The following LEO1 variants were observed in gnomAD, a reference collection of about 807,000 sequenced individuals.
The protein encoded by LEO1 is LEO1 component of Paf1/RNA polymerase II complex, also known as RNA polymerase-associated protein LEO1.
Under a neutral mutation model 80.4 loss-of-function variants are expected in LEO1, and 34 were observed. That is an observed-to-expected ratio of 0.42 (90% CI 0.32 to 0.56). The LOEUF (loss-of-function observed/expected upper bound fraction) is 0.56, where lower values mean the gene tolerates loss of function less well. Among genes scored for constraint, LEO1 ranks in the 20% least tolerant of loss-of-function variants. The pLI, the probability that LEO1 is intolerant of heterozygous loss-of-function variation, is 0.10. For missense variants in LEO1, 631 were observed against 814.2 expected (o/e 0.77, Z 2.74); for synonymous variants, 262 against 274.9 (o/e 0.95, Z 0.46).
At position 51,956,427 on chromosome 15, in the gene LEO1, A is replaced by C. The variant is rs867101247; in HGVS notation, c.1246-1852T>G. The stretch of plus-strand genomic sequence containing the variant: ...GACAGAGCAAGACTCCATCTCAAAA[A>C]AAAAAAAAAAAAAACCACAAATAGG... On this transcript the variant is annotated intron_variant, in intron 6 of 11. Coordinates refer to ENST00000299601, the MANE Select transcript of LEO1 (RefSeq NM_138792.4). Among the ~76,000 whole-genome samples the C allele has an allele frequency of 2.1e-3, 323 of 151,742 alleles. 1 individual carries two copies. The highest frequency in any genetic ancestry group is 7.4e-3 in the African/African-American group (307 of 41,440).
At chr15:51,953,528 G>T (rs538440467) in intron 7 of LEO1, among the ~76,000 whole-genome samples, 64 of 152,016 alleles carry the variant, frequency 4.2e-4, no homozygotes, top group Non-Finnish European at 7.1e-4. Context: ...GCTGAGACAG[G>T]ATAACTGCTT....
At chr15:51,952,175 A>G (rs2056954725) in intron 8 of LEO1, 196 bp from the exon 9 acceptor site, 2 of 462,510 alleles carry the variant, frequency 4.3e-6, no homozygotes, top group Non-Finnish European at 7.6e-6. Flanking sequence ...AGACATTCTT[A>G]TTCCACAAAT....
intron 1 of LEO1, among the ~76,000 whole-genome samples, chr15:51,971,056 T>C (rs890116979): frequency 5.3e-5 from 8 of 152,048 alleles, no homozygotes. Context: ...AATCCTTCAT[T>C]CCTCCTCTCT....
intron 1 of LEO1, among the ~76,000 whole-genome samples, chr15:51,971,081 T>C (rs1442763993): frequency 1.3e-5 from 2 of 152,272 alleles, no homozygotes; most frequent in East Asian, 3.9e-4. Flanking sequence ...ACAGACCCCA[T>C]GCACTCCCCA....
At chr15:51,949,102 G>A (rs767644189) in intron 10 of LEO1, among the ~76,000 whole-genome samples, 2 of 152,022 alleles carry the variant, frequency 1.3e-5, no homozygotes, top group Non-Finnish European at 1.5e-5. Flanking sequence ...CAGTATGTGT[G>A]GAAAAAACGT....
intron 1 of LEO1, among the ~76,000 whole-genome samples, chr15:51,970,088 A>C (rs1197275413): frequency 2.0e-5 from 3 of 152,164 alleles, no homozygotes; most frequent in African/African-American, 7.2e-5. Flanking sequence ...AAGAATTACC[A>C]TATGACTCTG....
intron 11 of LEO1, among the ~76,000 whole-genome samples, chr15:51,944,194 T>A (rs1342145659): frequency 6.6e-6 from 1 of 152,172 alleles, no homozygotes; most frequent in African/African-American, 2.4e-5. Context: ...GAAAACTTCC[T>A]GAAAGCAGCT....
intron 7 of LEO1, 76 bp from the exon 8 acceptor site, chr15:51,953,339 C>T: frequency 1.3e-6 from 2 of 1,513,654 alleles, no homozygotes; most frequent in Non-Finnish European, 1.8e-6. Flanking sequence ...AAAGGTGATT[C>T]AGGCTGGGCA....
In LEO1 at chr15:51,966,022, C is replaced by T. The variant is rs376150994; in HGVS notation, c.541G>A (p.Asp181Asn). The T allele has an allele frequency of 9.1e-5, 147 of 1,614,024 alleles. No homozygotes were observed. Among genetic ancestry groups the T allele is most frequent in the South Asian group, 3.1e-4 (28 of 91,082 alleles). The change falls in exon 2 of 12, where the codon GAT becomes AAT. Residue 181 changes from aspartate (D) to asparagine (N), a missense_variant. Coordinates refer to ENST00000299601, the MANE Select transcript of LEO1 (RefSeq NM_138792.4). ...TCTGTGTTCTGCATTTTCTCATCATCGTCAGAATTCTGCAGCTTATCTTCA... is the reference window on the plus strand; with the variant it reads ...TCTGTGTTCTGCATTTTCTCATCATTGTCAGAATTCTGCAGCTTATCTTCA... Reference protein sequence around the residue: ...SDEDKLQNSDDDEKMQNTDDE... With the variant: ...SDEDKLQNSDNDEKMQNTDDE...
At chr15:51,958,895 T>A (rs1405678414) in intron 5 of LEO1, 69 bp from the exon 6 acceptor site, 1 of 752,818 alleles carries the variant, frequency 1.3e-6, no homozygotes, top group East Asian at 2.9e-5. Flanking sequence ...TGTAATAACA[T>A]CTCTATTAAT....
intron 5 of LEO1, 70 bp downstream of exon 5, chr15:51,959,829 A>C: frequency 5.1e-6 from 7 of 1,371,476 alleles, no homozygotes; most frequent in Non-Finnish European, 6.8e-6. Context: ...ACTCAATGCG[A>C]AATAAGAAAA....
chr15:51,960,025 TGAG>T lies in LEO1; in HGVS notation c.1031_1033del (p.Pro344del), dbSNP rs2057017896. 6.2e-7 allele frequency: 1 copy of T among 1,612,450 alleles called. No individual in the cohort carries two copies. Among genetic ancestry groups the T allele is most frequent in the South Asian group, 1.1e-5 (1 of 90,576 alleles). On this transcript the variant is annotated inframe_deletion, in exon 5 of 12. Transcript: ENST00000299601. ...AATTGGCTCCTCTTCCTGTTGATCC[TGAG>T]GCAATCCATTTTCATCCTAGTGAAA...
intron 11 of LEO1, among the ~76,000 whole-genome samples, chr15:51,942,947 AAAC>A (rs980639161): frequency 3.3e-5 from 5 of 150,344 alleles, no homozygotes; most frequent in East Asian, 4.0e-4. Flanking sequence ...ACCAAAAAAA[AAAC>A]AACAAACAAA....
intron 11 of LEO1, among the ~76,000 whole-genome samples, chr15:51,943,635 G>A (rs1401817872): frequency 6.6e-6 from 1 of 151,970 alleles, no homozygotes; most frequent in African/African-American, 2.4e-5. Context: ...GGGAGATGGA[G>A]GTGGCAGGGA....
At chr15:51,958,370 A>T (rs889153662) in intron 6 of LEO1, among the ~76,000 whole-genome samples, 1 of 151,932 alleles carries the variant, frequency 6.6e-6, no homozygotes, top group Non-Finnish European at 1.5e-5. Flanking sequence ...TGGGAAGATC[A>T]CTTGAACCCA....
intron 6 of LEO1, among the ~76,000 whole-genome samples, chr15:51,956,798 G>A (rs1398951968): frequency 6.6e-6 from 1 of 152,132 alleles, no homozygotes; most frequent in Non-Finnish European, 1.5e-5. Flanking sequence ...CTGATGCACT[G>A]AAATTTTAGG....
intron 11 of LEO1, among the ~76,000 whole-genome samples, chr15:51,942,105 G>T (rs1384332069): frequency 2.6e-5 from 4 of 152,192 alleles, no homozygotes; most frequent in Non-Finnish European, 5.9e-5. Flanking sequence ...GCTTTAGTGT[G>T]CAAAGCACAG....
chr15:51,969,244 C>T (rs1393443553), intron 1 of LEO1, among the ~76,000 whole-genome samples: 1 of 151,314 alleles, frequency 6.6e-6, no homozygotes, highest in Non-Finnish European at 1.5e-5. Context: ...CAGGCGTGAG[C>T]CACTGTGCCT....
At chr15:51,967,774 C>G (rs542140889) in intron 1 of LEO1, among the ~76,000 whole-genome samples, 1 of 152,148 alleles carries the variant, frequency 6.6e-6, no homozygotes, top group Admixed American at 6.6e-5. Context: ...GACTGTCAAC[C>G]AAGAATTTTA....
Sources: allele counts gnomAD v4.1 joint callset (sites outside exome capture counted in the v4.1 genomes callset), GRCh38; gene constraint gnomAD v4.1.1; transcripts MANE v1.5; gene names NCBI Gene and HGNC (gene_info 2026-07-23, HGNC 2026-07-21).